PTPRD: variants seen among roughly 807,000 people sequenced by gnomAD.
The protein encoded by PTPRD is protein tyrosine phosphatase receptor type D, also known as receptor-type tyrosine-protein phosphatase delta.
Under a neutral mutation model 214.5 loss-of-function variants are expected in PTPRD, and 34 were observed. That is an observed-to-expected ratio of 0.16 (90% confidence interval 0.12 to 0.21). The LOEUF is 0.21. Ranked by LOEUF, PTPRD falls within the 10% of genes least tolerant of loss-of-function variation. The pLI, the probability that PTPRD is intolerant of heterozygous loss-of-function variation, is 1.00. For missense variants in PTPRD, 2,545 were observed against 2,398.7 expected (o/e 1.06, Z -1.27); for synonymous variants, 1,128 against 845.7 (o/e 1.33, Z -5.79).
intron 8 of PTPRD, among the ~76,000 whole-genome samples, chr9:9,407,497 G>A (rs1000725242): frequency 2.6e-5 from 4 of 151,692 alleles, no homozygotes; most frequent in Admixed American, 1.3e-4. Flanking sequence ...AATAAAAGTG[G>A]ATACCTCTGA....
chr9:9,696,487 T>G (rs1019214151), intron 7 of PTPRD, among the ~76,000 whole-genome samples: 15 of 152,256 alleles, frequency 9.9e-5, no homozygotes, highest in African/African-American at 2.9e-4. Flanking sequence ...GTGCTCCTGT[T>G]TTGTGTGCAT....
intron 11 of PTPRD, among the ~76,000 whole-genome samples, chr9:8,739,632 T>C (rs1488294225): frequency 2.0e-5 from 3 of 152,176 alleles, no homozygotes; most frequent in Admixed American, 2.0e-4. Context: ...CTCGTAGTCC[T>C]TGGCTTCCCA....
rs191079420 is a variant in PTPRD, at chr9:8,516,220, C to T, written c.1543+1628G>A. On this transcript the variant is annotated intron_variant, in intron 21 of 45. Coordinates refer to ENST00000381196, the MANE Select transcript of PTPRD (RefSeq NM_002839.4). ...GATGTCTACATTTCCCAATGAGAAG[C>T]TTTTTTGGTAAGAACAGCCTACAGT... 4.0e-3 allele frequency among the ~76,000 whole-genome samples: 606 copies of T among 152,196 alleles called. 3 individuals are homozygous for T. The highest frequency in any genetic ancestry group is 0.013 in the African/African-American group (550 of 41,524).
chr9:10,072,830 C>T (rs1313473842), intron 3 of PTPRD, among the ~76,000 whole-genome samples: 1 of 152,090 alleles, frequency 6.6e-6, no homozygotes. Flanking sequence ...ATCCAATTAT[C>T]ACTTTCTAGT....
At chr9:8,913,831 C>A (rs2098765509) in intron 11 of PTPRD, among the ~76,000 whole-genome samples, 1 of 152,092 alleles carries the variant, frequency 6.6e-6, no homozygotes, top group Admixed American at 6.6e-5. Flanking sequence ...TGATTATGAC[C>A]TGCTTTGGGG....
intron 8 of PTPRD, among the ~76,000 whole-genome samples, chr9:9,563,647 G>A (rs2083531186): frequency 6.6e-6 from 1 of 152,050 alleles, no homozygotes; most frequent in Non-Finnish European, 1.5e-5. Flanking sequence ...TTATGCCAAG[G>A]ATTAAACATT....
chr9:9,461,848 G>A lies in PTPRD; in HGVS notation c.-236-64366C>T, dbSNP rs149184367. ...AGCCTTTCTGTAGGCTTCTCTCCTC[G>A]TTCTCCTCACGGATGACTTCTGATC... On this transcript the variant is annotated intron_variant, in intron 8 of 45. Coordinates refer to ENST00000381196, the MANE Select transcript of PTPRD (RefSeq NM_002839.4). Among the ~76,000 whole-genome samples the A allele has an allele frequency of 6.6e-5, 10 of 152,186 alleles. No homozygotes were observed. The East Asian group carries it at 1.5e-3, about 24-fold the overall frequency.
intron 4 of PTPRD, among the ~76,000 whole-genome samples, chr9:9,987,670 T>C (rs1482255150): frequency 6.6e-6 from 1 of 152,152 alleles, no homozygotes; most frequent in East Asian, 1.9e-4. Flanking sequence ...TAAAGATTCA[T>C]TACCAAAAGT....
chr9:10,461,621 C>CT (rs745654705), intron 2 of PTPRD, among the ~76,000 whole-genome samples: 3,680 of 133,038 alleles, frequency 0.028, 79 homozygotes, highest in African/African-American at 0.046. Flanking sequence ...GCATGACATT[C>CT]TTTTTTTTTT....
intron 8 of PTPRD, among the ~76,000 whole-genome samples, chr9:9,446,825 G>A (rs1196813152): frequency 6.6e-6 from 1 of 151,882 alleles, no homozygotes; most frequent in East Asian, 1.9e-4. Flanking sequence ...CAATAAAAAG[G>A]AAAAGAACCA....
intron 14 of PTPRD, among the ~76,000 whole-genome samples, chr9:8,624,137 C>T (rs952093166): frequency 1.3e-5 from 2 of 151,810 alleles, no homozygotes; most frequent in Non-Finnish European, 2.9e-5. Flanking sequence ...AATTGACTAC[C>T]TGGACCTACC....
At chr9:9,564,032 A>G (rs1436314981) in intron 8 of PTPRD, among the ~76,000 whole-genome samples, 1 of 152,096 alleles carries the variant, frequency 6.6e-6, no homozygotes, top group African/African-American at 2.4e-5. Flanking sequence ...TTTTATATTT[A>G]CCAAGTTTTC....
At position 10,543,475 on chromosome 9, in the gene PTPRD, T is replaced by TACACACACAC. The variant is rs201493444; in HGVS notation, c.-600+68922_-600+68923insGTGTGTGTGT. Among the ~76,000 whole-genome samples the TACACACACAC allele has an allele frequency of 8.2e-3, 860 of 104,312 alleles. 3 individuals are homozygous for TACACACACAC. The highest frequency in any genetic ancestry group is 9.1e-3 in the Non-Finnish European group (438 of 48,354). The allele number at this position is 104,312 out of a possible 152,430, so 68.4% of individuals were successfully genotyped here. ...ACCAGTTTGAAGAGTTTAATATATA[T>TACACACACAC]ATATACACACACACACACACACACA... On this transcript the variant is annotated intron_variant, in intron 2 of 45. Transcript: ENST00000381196.
At chr9:9,804,521 T>G (rs1216633485) in intron 5 of PTPRD, among the ~76,000 whole-genome samples, 3 of 152,152 alleles carry the variant, frequency 2.0e-5, no homozygotes, top group Non-Finnish European at 4.4e-5. Flanking sequence ...AGAAAGGAAC[T>G]TTTTATCTTT....
intron 4 of PTPRD, among the ~76,000 whole-genome samples, chr9:10,008,641 C>A (rs1378414797): frequency 8.0e-4 from 121 of 152,086 alleles, no homozygotes; most frequent in Non-Finnish European, 1.3e-3. Context: ...TCTCATCCTT[C>A]CTTATTTCAA....
intron 7 of PTPRD, among the ~76,000 whole-genome samples, chr9:9,619,883 T>C (rs977329229): frequency 2.0e-5 from 3 of 149,306 alleles, no homozygotes; most frequent in Admixed American, 6.7e-5. Context: ...AATATAGATG[T>C]TTTTATATAC....
chr9:10,545,621 G>A (rs1235747403), intron 2 of PTPRD, among the ~76,000 whole-genome samples: 1 of 152,114 alleles, frequency 6.6e-6, no homozygotes, highest in Non-Finnish European at 1.5e-5. Context: ...AATAAGTTAT[G>A]CATATAGACC....
chr9:8,687,679 G>GA (rs542455238), intron 12 of PTPRD, among the ~76,000 whole-genome samples: 1 of 150,936 alleles, frequency 6.6e-6, no homozygotes, highest in Non-Finnish European at 1.5e-5. Context: ...ATGTGGAATG[G>GA]AAAAAAGGCA....
chr9:8,462,066 T>G (rs575414233), intron 32 of PTPRD, among the ~76,000 whole-genome samples: 1 of 152,140 alleles, frequency 6.6e-6, no homozygotes, highest in Admixed American at 6.5e-5. Context: ...TCTTCATTAA[T>G]GTTCCTAAAC....
Sources: allele counts gnomAD v4.1 joint callset (sites outside exome capture counted in the v4.1 genomes callset), GRCh38; gene constraint gnomAD v4.1.1; transcripts MANE v1.5; gene names NCBI Gene and HGNC (gene_info 2026-07-23, HGNC 2026-07-21).